Variants in SH3GLB1 observed in about 807,000 individuals in gnomAD.
SH3GLB1 encodes the protein endophilin-B1.
A neutral mutation model predicts 42.0 loss-of-function variants in SH3GLB1; 17 were observed. That is an observed-to-expected ratio of 0.40 (90% confidence interval 0.28 to 0.61). The LOEUF (loss-of-function observed/expected upper bound fraction) is 0.61, where lower values mean the gene tolerates loss of function less well. Among genes scored for constraint, SH3GLB1 ranks in the 20% least tolerant of loss-of-function variants. The pLI is 0.36. For synonymous variants in SH3GLB1, 132 were observed against 146.6 expected, an observed-to-expected ratio of 0.90 and a Z score of 0.72; for missense variants, 355 against 426.3, an observed-to-expected ratio of 0.83 and a Z score of 1.47.
At chr1:86,732,586 G>T (rs1199133386) in intron 5 of SH3GLB1, among the ~76,000 whole-genome samples, 2 of 152,122 alleles carry the variant, frequency 1.3e-5, no homozygotes, top group Non-Finnish European at 2.9e-5. Flanking sequence ...GAAATGAGAT[G>T]CATTTTTCCC....
chr1:86,719,471 T>C, intron 2 of SH3GLB1, 36 bp from the exon 3 acceptor site: 1 of 1,583,484 alleles, frequency 6.3e-7, no homozygotes, highest in Non-Finnish European at 8.6e-7. Flanking sequence ...AGTTTTGCTT[T>C]TTAGAAATCA....
chr1:86,716,123 A>G (rs1654514289), intron 2 of SH3GLB1, among the ~76,000 whole-genome samples: 1 of 152,168 alleles, frequency 6.6e-6, no homozygotes, highest in Non-Finnish European at 1.5e-5. Flanking sequence ...TTTGAATTTT[A>G]ATTTATGAGC....
chr1:86,722,729 TTAATGAA>T, intron 4 of SH3GLB1, 56 bp downstream of exon 4: 3 of 1,433,386 alleles, frequency 2.1e-6, no homozygotes, highest in Non-Finnish European at 2.8e-6. Flanking sequence ...TATATACTTT[TTAATGAA>T]TAATTTGGCC....
intron 1 of SH3GLB1, among the ~76,000 whole-genome samples, chr1:86,712,967 G>A (rs887771564): frequency 6.6e-6 from 1 of 152,088 alleles, no homozygotes; most frequent in Non-Finnish European, 1.5e-5. Context: ...CAAAGAAAAT[G>A]TTAAATAATT....
At chr1:86,730,829 C>T (rs1329928547) in intron 5 of SH3GLB1, among the ~76,000 whole-genome samples, 1 of 152,198 alleles carries the variant, frequency 6.6e-6, no homozygotes, top group East Asian at 1.9e-4. Flanking sequence ...GTAACTGAAG[C>T]TTGTTCTCTC....
chr1:86,745,921 A>G lies in SH3GLB1; in HGVS notation c.*2686A>G, dbSNP rs573363046. The G allele has an allele frequency of 1.3e-5, 2 of 152,756 alleles. No individual in the cohort carries two copies. The highest frequency in any genetic ancestry group is 2.9e-5 in the Non-Finnish European group (2 of 68,026). The allele number at this position is 152,756 out of a possible 1,614,324, so 9.5% of individuals were successfully genotyped here. ...AGGATGCACATATGAATGAAAAACT[A>G]AAATAATTGTAGGCTCTTCTATAAA... On this transcript the variant is annotated 3_prime_UTR_variant, in exon 9 of 9. Coordinates refer to ENST00000370558, the MANE Select transcript of SH3GLB1 (RefSeq NM_016009.5).
chr1:86,710,040 A>G (rs578187257), intron 1 of SH3GLB1, among the ~76,000 whole-genome samples: 4 of 152,340 alleles, frequency 2.6e-5, no homozygotes, highest in Middle Eastern at 3.4e-3. Flanking sequence ...TAAATAAAAT[A>G]TGTCACATTC....
chr1:86,715,577 T>G, intron 1 of SH3GLB1, 147 bp from the exon 2 acceptor site: 1 of 794,400 alleles, frequency 1.3e-6, no homozygotes, highest in Admixed American at 3.6e-5. Context: ...CAAAAAAAAG[T>G]ATTCATAAGC....
chr1:86,713,986 A>G (rs747425036), intron 1 of SH3GLB1, among the ~76,000 whole-genome samples: 2 of 152,256 alleles, frequency 1.3e-5, no homozygotes, highest in African/African-American at 2.4e-5. Context: ...TAGGTGCTTA[A>G]TAAGTATTTG....
chr1:86,721,987 A>G (rs1242321376), intron 3 of SH3GLB1, among the ~76,000 whole-genome samples: 2 of 147,304 alleles, frequency 1.4e-5, no homozygotes, highest in African/African-American at 5.1e-5. Flanking sequence ...AAGTCTGTAC[A>G]TGTTCAGTAC....
At position 86,746,420 on chromosome 1, in the gene SH3GLB1, T is replaced by A. The variant is rs1244969113; in HGVS notation, c.*3185T>A. ...CACTTTAAGCTTCAGTGAGGTGCTG[T>A]AATGGAGAGATAGCTTCATAGTTTA... On this transcript the variant is annotated 3_prime_UTR_variant, in exon 9 of 9. Transcript: ENST00000370558. 8 of 152,212 alleles carry A rather than the reference T, an allele frequency of 5.3e-5. No homozygotes were observed. In the South Asian group the frequency reaches 1.7e-3, roughly 31 times the overall value. The allele number at this position is 152,212 out of a possible 1,614,324, so 9.4% of individuals were successfully genotyped here. A position where few individuals can be genotyped will look rare whatever the true frequency, so the allele number is the denominator to read the frequency against.
rs908407512 is a variant in SH3GLB1 at position 86,704,781 on chromosome 1, C to T, written c.-119C>T. ...GACAGCTGCGGCTGCGGGGCTGGCG[C>T]CGCCTCCCTCCACCTACCACGTCTG... On this transcript the variant is annotated 5_prime_UTR_variant, in exon 1 of 9. Transcript: ENST00000370558. 24 of 543,100 alleles carry T rather than the reference C, an allele frequency of 4.4e-5. No homozygotes were observed. The highest frequency in any genetic ancestry group is 6.3e-5 in the Non-Finnish European group (20 of 317,078). The allele number at this position is 543,100 out of a possible 1,614,324, so 33.6% of individuals were successfully genotyped here.
At chr1:86,719,263 CAAAT>C (rs1654723229) in intron 2 of SH3GLB1, among the ~76,000 whole-genome samples, 1 of 152,062 alleles carries the variant, frequency 6.6e-6, no homozygotes, top group African/African-American at 2.4e-5. Flanking sequence ...GTAGAATACT[CAAAT>C]AATAATTTTA....
chr1:86,715,704 T>C lies in SH3GLB1; in HGVS notation c.73-20T>C. 6.4e-7 allele frequency: 1 copy of C among 1,569,408 alleles called. No individual in the cohort carries two copies. The highest frequency in any genetic ancestry group is 8.6e-7 in the Non-Finnish European group (1 of 1,168,532). On this transcript the variant is annotated intron_variant, in intron 1 of 8. Transcript: ENST00000370558. ...ATTTATTTGCAGTATATTTAATTTTTGTTTTACAATCAATAACAGTTCACA... is the reference window on the plus strand; with the variant it reads ...ATTTATTTGCAGTATATTTAATTTTCGTTTTACAATCAATAACAGTTCACA...
At chr1:86,723,566 G>T (rs745701405) in intron 4 of SH3GLB1, among the ~76,000 whole-genome samples, 1 of 152,038 alleles carries the variant, frequency 6.6e-6, no homozygotes, top group Non-Finnish European at 1.5e-5. Context: ...TCAGTGCAAT[G>T]AAATTTGACA....
At chr1:86,710,675 C>T (rs1468930817) in intron 1 of SH3GLB1, among the ~76,000 whole-genome samples, 1 of 152,188 alleles carries the variant, frequency 6.6e-6, no homozygotes, top group Non-Finnish European at 1.5e-5. Flanking sequence ...TTAAAATGAT[C>T]AAACACCTAA....
chr1:86,708,744 A>G (rs1289240713), intron 1 of SH3GLB1, among the ~76,000 whole-genome samples: 1 of 152,192 alleles, frequency 6.6e-6, no homozygotes, highest in African/African-American at 2.4e-5. Context: ...TTTAAATGCC[A>G]TTTATTCTTA....
At chr1:86,723,446 G>A (rs912847960) in intron 4 of SH3GLB1, among the ~76,000 whole-genome samples, 7 of 152,062 alleles carry the variant, frequency 4.6e-5, no homozygotes, top group Non-Finnish European at 8.8e-5. Context: ...CCCTGGAGGC[G>A]GAGGTTGCAG....
At chr1:86,724,509 T>C in intron 5 of SH3GLB1, 104 bp downstream of exon 5, 1 of 910,726 alleles carries the variant, frequency 1.1e-6, no homozygotes. Flanking sequence ...GAGTCTTGTT[T>C]TTGTGCTTTC....
Sources: gnomAD v4.1 joint callset for allele counts (sites outside exome capture counted in the v4.1 genomes callset) on GRCh38, gnomAD v4.1.1 for gene constraint, MANE v1.5 for transcripts, NCBI Gene and HGNC (gene_info 2026-07-23, HGNC 2026-07-21) for gene names.